PFKFB4: variants seen among roughly 807,000 people sequenced by gnomAD.
PFKFB4 encodes the protein 6-phosphofructo-2-kinase/fructose-2,6-biphosphatase 4.
In PFKFB4, 42 loss-of-function variants were observed where a neutral mutation model predicts 62.8. That is an observed-to-expected ratio of 0.67 (90% CI 0.52 to 0.86). PFKFB4 has a LOEUF of 0.86. Among genes scored for constraint, PFKFB4 ranks in the 40% least tolerant of loss-of-function variants. The pLI, the probability that PFKFB4 is intolerant of heterozygous loss-of-function variation, is 0.00. For synonymous variants in PFKFB4, 204 were observed against 240.7 expected, an observed-to-expected ratio of 0.85 and a Z score of 1.41; for missense variants, 475 against 627.2, an observed-to-expected ratio of 0.76 and a Z score of 2.59.
intron 1 of PFKFB4, among the ~76,000 whole-genome samples, chr3:48,553,888 G>A (rs1008604833): frequency 6.6e-6 from 1 of 152,160 alleles, no homozygotes; most frequent in Non-Finnish European, 1.5e-5. Context: ...CCACCTTTCA[G>A]CTGAGAAAAG....
upstream of PFKFB4, chr3:48,562,867 T>C: frequency 1.3e-6 from 2 of 1,596,632 alleles, no homozygotes; most frequent in Non-Finnish European, 1.7e-6. The surrounding 1 kb of genome is among the most constrained non-coding windows in gnomAD (Gnocchi z 4.3). Context: ...CTTGCTCCAG[T>C]AAGATCTGCA....
intron 4 of PFKFB4, 96 bp from the exon 5 acceptor site, chr3:48,539,867 T>G: frequency 1.1e-6 from 1 of 935,642 alleles, no homozygotes; most frequent in Non-Finnish European, 1.7e-6. Flanking sequence ...CAGCACAGGC[T>G]CTCTGGGGAC....
In PFKFB4 at chr3:48,535,581, C is replaced by T. The variant is rs1295080871; in HGVS notation, c.918G>A (p.Arg306=). Residue 306 remains arginine (R), a synonymous_variant, in exon 9 of 14, where the codon AGG becomes AGA. Transcript: ENST00000232375. ...CCAGTGCCTCAGCCGTCTGGATTGTCCTCTTCATCTGGCTTGTCCAGACCT... is the reference window on the plus strand; with the variant it reads ...CCAGTGCCTCAGCCGTCTGGATTGTTCTCTTCATCTGGCTTGTCCAGACCT... The part of the protein sequence containing the change: ...DLKVWTSQMK[R]TIQTAEALGV... 1.9e-6 allele frequency: 3 copies of T among 1,614,144 alleles called. No homozygotes were observed. Among genetic ancestry groups the T allele is most frequent in the East Asian group, 4.5e-5 (2 of 44,888 alleles).
rs1426864856 is a variant in PFKFB4, at chr3:48,543,560, C to T, written c.378+20G>A. 6.3e-7 allele frequency: 1 copy of T among 1,598,434 alleles called. No homozygotes were observed. On this transcript the variant is annotated intron_variant, in intron 4 of 13. Coordinates refer to ENST00000232375, the MANE Select transcript of PFKFB4 (RefSeq NM_004567.4). ...GCTCCCATGTGTCACTCCCAGCTGT[C>T]ACCAGGGTGTCACACTCACCGCCAC...
intron 9 of PFKFB4, 89 bp from the exon 10 acceptor site, chr3:48,525,758 A>G: frequency 3.4e-6 from 2 of 581,702 alleles, no homozygotes; most frequent in Non-Finnish European, 5.9e-6. Context: ...CAAGCAGAAG[A>G]GACCAAGTTC....
intron 12 of PFKFB4, among the ~76,000 whole-genome samples, chr3:48,523,041 A>G (rs1224491991): frequency 1.4e-5 from 2 of 147,496 alleles, no homozygotes; most frequent in Non-Finnish European, 3.0e-5. Flanking sequence ...GATTACAGGC[A>G]TGAGCCACCG....
chr3:48,553,280 C>T (rs1197998158), intron 1 of PFKFB4, among the ~76,000 whole-genome samples: 2 of 152,206 alleles, frequency 1.3e-5, no homozygotes, highest in Non-Finnish European at 2.9e-5. Flanking sequence ...TCGAGACCAG[C>T]TTGGCCAACA....
At chr3:48,541,419 G>A (rs1191486195) in intron 4 of PFKFB4, among the ~76,000 whole-genome samples, 3 of 151,760 alleles carry the variant, frequency 2.0e-5, no homozygotes, top group South Asian at 4.2e-4. Context: ...GTGAGCCACC[G>A]CACCTGGCCC....
chr3:48,557,573 G>C (rs1211925006), upstream of PFKFB4, among the ~76,000 whole-genome samples: 1 of 151,994 alleles, frequency 6.6e-6, no homozygotes, highest in East Asian at 1.9e-4. Flanking sequence ...TTTCGCTCCT[G>C]TTGCCCAGGC....
chr3:48,521,836 C>A lies in PFKFB4; in HGVS notation c.1350+150G>T. The A allele has an allele frequency of 1.4e-6, 1 of 704,074 alleles. No individual in the cohort carries two copies. The allele number at this position is 704,074 out of a possible 1,614,324, so 43.6% of individuals were successfully genotyped here. A position where few individuals can be genotyped will look rare whatever the true frequency, so the allele number is the denominator to read the frequency against. On this transcript the variant is annotated intron_variant, in intron 13 of 13. Transcript: ENST00000232375. This position sits in a 1 kb window ranked among gnomAD's most constrained non-coding sequence, Gnocchi z 5.3. The stretch of plus-strand genomic sequence containing the variant: ...ATGCAGGCCCCACCCAGAGCCAGGG[C>A]CCCGCCCTGCTGATGGGACAACAGT...
intron 4 of PFKFB4, among the ~76,000 whole-genome samples, chr3:48,541,859 AG>A (rs2042809783): frequency 6.6e-6 from 1 of 152,030 alleles, no homozygotes; most frequent in African/African-American, 2.4e-5. Context: ...CCAGCTACTC[AG>A]GAGGCTGAGG....
At chr3:48,543,681 C>T (rs1391107231) in intron 3 of PFKFB4, 35 bp from the exon 4 acceptor site, 8 of 1,574,932 alleles carry the variant, frequency 5.1e-6, no homozygotes, top group Non-Finnish European at 6.9e-6. Context: ...AGCCCAGCAC[C>T]CGACCCTGGC....
In PFKFB4 at chr3:48,539,330, G is replaced by A. The variant is rs369191213; in HGVS notation, c.454-20C>T. ...AAAGGTCTGCGGCAGGACCAGAAGC[G>A]CCGGGGTGGTGGGAGGGAGGAACAC... On this transcript the variant is annotated intron_variant, in intron 5 of 13. Transcript: ENST00000232375. 1.8e-5 allele frequency: 29 copies of A among 1,611,844 alleles called. No individual in the cohort carries two copies. Among genetic ancestry groups the A allele is most frequent in the African/African-American group, 6.7e-5 (5 of 75,006 alleles).
chr3:48,551,640 G>T (rs1482982721), intron 1 of PFKFB4, among the ~76,000 whole-genome samples: 1 of 142,006 alleles, frequency 7.0e-6, no homozygotes, highest in African/African-American at 2.7e-5. Flanking sequence ...TGCCTCCCGG[G>T]CTCAAGCAAT....
intron 3 of PFKFB4, among the ~76,000 whole-genome samples, chr3:48,549,125 C>G (rs187672226): frequency 1.0e-3 from 156 of 152,318 alleles, no homozygotes; most frequent in African/African-American, 3.4e-3. Context: ...GAGAAAAGCA[C>G]AGCATGGCTG....
At position 48,521,955 on chromosome 3, in the gene PFKFB4, C is replaced by T; in HGVS notation, c.1350+31G>A. 1 of 1,599,086 alleles carries T rather than the reference C, an allele frequency of 6.3e-7. No individual in the cohort carries two copies. ...CTGGACACCCCCACATCAGGAACAC[C>T]CCGCTACCCCAGCAGTGACCCCATT... On this transcript the variant is annotated intron_variant, in intron 13 of 13. Coordinates refer to ENST00000232375, the MANE Select transcript of PFKFB4 (RefSeq NM_004567.4). The surrounding 1 kb of genome is among the most constrained non-coding windows in gnomAD (Gnocchi z 5.3).
chr3:48,523,816 C>G lies in PFKFB4; in HGVS notation c.1107G>C (p.Leu369=), dbSNP rs1338421661. ...RYPKGESYED[L]VQRLEPVIME... ...TGATGACAGGCTCCAGTCTCTGGAC[C>G]AGGTCCTCGTAGGACTGCAAGGGCA... Residue 369 remains leucine (L), a synonymous_variant, in exon 11 of 14, where the codon CTG becomes CTC. Coordinates refer to ENST00000232375, the MANE Select transcript of PFKFB4 (RefSeq NM_004567.4). 1 of 1,614,026 alleles carries G rather than the reference C, an allele frequency of 6.2e-7. No homozygotes were observed.
At chr3:48,530,402 G>C (rs1203509141) in intron 9 of PFKFB4, among the ~76,000 whole-genome samples, 2 of 152,166 alleles carry the variant, frequency 1.3e-5, no homozygotes, top group Non-Finnish European at 2.9e-5. Flanking sequence ...TTATTTTCCT[G>C]TGACAGTATG....
chr3:48,548,856 T>C (rs1308019185), intron 3 of PFKFB4, among the ~76,000 whole-genome samples: 1 of 152,186 alleles, frequency 6.6e-6, no homozygotes, highest in African/African-American at 2.4e-5. Flanking sequence ...GCCACACCGA[T>C]GCAAGAACAA....
Sources: allele counts gnomAD v4.1 joint callset (sites outside exome capture counted in the v4.1 genomes callset), GRCh38; gene constraint gnomAD v4.1.1; non-coding constraint Gnocchi (gnomAD v3.1); transcripts MANE v1.5; gene names NCBI Gene and HGNC (gene_info 2026-07-23, HGNC 2026-07-21).